Variants in ARSB observed in about 807,000 individuals in gnomAD.
ARSB encodes arylsulfatase B.
ARSB carries 41 observed loss-of-function variants against 50.9 expected under a neutral mutation model. The observed-to-expected ratio is 0.81, with a 90% CI of 0.63 to 1.04. The LOEUF (loss-of-function observed/expected upper bound fraction) is 1.04, where lower values mean the gene tolerates loss of function less well. Ranked by LOEUF, ARSB falls within the 50% of genes least tolerant of loss-of-function variation. ARSB has a pLI of 0.00. For missense variants in ARSB, 672 were observed against 693.3 expected, an observed-to-expected ratio of 0.97 and a Z score of 0.35; for synonymous variants, 269 against 284.8, an observed-to-expected ratio of 0.94 and a Z score of 0.56.
intron 6 of ARSB, among the ~76,000 whole-genome samples, chr5:78,837,431 G>T (rs951507338): frequency 5.3e-5 from 8 of 152,132 alleles, no homozygotes; most frequent in Admixed American, 2.0e-4. Context: ...AAAAGTTTAG[G>T]AGTCATTGAT....
chr5:78,983,431 CCCTT>C (rs1753007343), intron 1 of ARSB, among the ~76,000 whole-genome samples: 2 of 152,176 alleles, frequency 1.3e-5, no homozygotes, highest in African/African-American at 4.8e-5. Flanking sequence ...AAATGAATGG[CCCTT>C]CCATTCTTTT....
chr5:78,953,614 A>G (rs1580119097), intron 4 of ARSB, among the ~76,000 whole-genome samples: 1 of 152,218 alleles, frequency 6.6e-6, no homozygotes, highest in African/African-American at 2.4e-5. Context: ...ATTCCTCAAC[A>G]TGTCACCTCA....
At chr5:78,965,901 G>A (rs143941104) in intron 2 of ARSB, among the ~76,000 whole-genome samples, 1 of 152,070 alleles carries the variant, frequency 6.6e-6, no homozygotes, top group African/African-American at 2.4e-5. Context: ...CTTTTATATG[G>A]CAATCTTTTC....
At chr5:78,978,847 A>G (rs542446884) in intron 1 of ARSB, among the ~76,000 whole-genome samples, 19 of 152,338 alleles carry the variant, frequency 1.2e-4, no homozygotes, top group African/African-American at 4.6e-4. Flanking sequence ...TGGATCAAAG[A>G]CCTAAATGTA....
At chr5:78,857,550 G>GA (rs1236180556) in intron 5 of ARSB, among the ~76,000 whole-genome samples, 1 of 152,260 alleles carries the variant, frequency 6.6e-6, no homozygotes, top group East Asian at 1.9e-4. Flanking sequence ...GGTTTTACGT[G>GA]AATCAAGGTA....
intron 4 of ARSB, among the ~76,000 whole-genome samples, chr5:78,919,966 C>A (rs984833970): frequency 6.6e-6 from 1 of 152,132 alleles, no homozygotes; most frequent in African/African-American, 2.4e-5. Context: ...CTGGTTTGCA[C>A]AGAGCACTGG....
At chr5:78,811,848 T>C (rs1220110533) in intron 6 of ARSB, among the ~76,000 whole-genome samples, 1 of 152,134 alleles carries the variant, frequency 6.6e-6, no homozygotes, top group African/African-American at 2.4e-5. Flanking sequence ...AAACTCAGTA[T>C]AAAAAGCAGA....
Position 78,967,327 on chromosome 5 carries a change from A to C in ARSB, c.499+1679T>G, listed in dbSNP as rs78098649. Among the ~76,000 whole-genome samples, 990 of 152,278 alleles carry C rather than the reference A, an allele frequency of 6.5e-3. 13 individuals are homozygous for C. The highest frequency in any genetic ancestry group is 0.023 in the African/African-American group (947 of 41,546). On this transcript the variant is annotated intron_variant, in intron 2 of 7. Transcript: ENST00000264914. ...CATCTGGTTTCCATTTATCTTGTAA[A>C]TAATGTAACTCTTATAGTCTTTTCC...
intron 6 of ARSB, among the ~76,000 whole-genome samples, chr5:78,809,209 T>G (rs903221497): frequency 2.0e-5 from 3 of 152,180 alleles, no homozygotes; most frequent in Admixed American, 2.0e-4. Context: ...CCGAGGGGGT[T>G]GCAATCAGTA....
chr5:78,782,113 C>T (rs1255480005), intron 6 of ARSB, 139 bp from the exon 7 acceptor site: 1 of 1,090,468 alleles, frequency 9.2e-7, no homozygotes, highest in Non-Finnish European at 1.3e-6. Flanking sequence ...AGAAATGAAT[C>T]TTTTATTAAA....
chr5:78,824,112 G>C (rs1169368146), intron 6 of ARSB, among the ~76,000 whole-genome samples: 1 of 152,160 alleles, frequency 6.6e-6, no homozygotes, highest in East Asian at 1.9e-4. Flanking sequence ...GTGCATACCT[G>C]CTCTCCCTTT....
At position 78,885,658 on chromosome 5, in the gene ARSB, T is replaced by C; in HGVS notation, c.1068A>G (p.Thr356=). 1 of 1,613,994 alleles carries C rather than the reference T, an allele frequency of 6.2e-7. No individual in the cohort carries two copies. The highest frequency in any genetic ancestry group is 8.5e-7 in the Non-Finnish European group (1 of 1,180,008). The change falls in exon 5 of 8, where the codon ACA becomes ACG. Residue 356 remains threonine, a synonymous_variant. Transcript: ENST00000264914. Reference sequence around the variant, plus strand: ...TGTGTCCCCTGGCCAGCTTCACGAGTGTTGGCAGCCAGTCAGAGATGTGGA... The same window carrying C: ...TGTGTCCCCTGGCCAGCTTCACGAGCGTTGGCAGCCAGTCAGAGATGTGGA... ...ELIHISDWLP[T]LVKLARGHTN... is the part of the protein sequence containing the mutation.
chr5:78,835,153 T>C (rs1036271081), intron 6 of ARSB, among the ~76,000 whole-genome samples: 2 of 152,134 alleles, frequency 1.3e-5, no homozygotes, highest in African/African-American at 4.8e-5. Flanking sequence ...TCTATGAATG[T>C]GTACGTGTAT....
In ARSB at chr5:78,889,053, GC is replaced by G. The variant is rs763279436; in HGVS notation, c.899-3227del. 9.2e-5 allele frequency among the ~76,000 whole-genome samples: 14 copies of G among 152,328 alleles called. No homozygotes were observed. The East Asian group carries it at 2.3e-3, about 25-fold the overall frequency. On this transcript the variant is annotated intron_variant, in intron 4 of 7. Transcript: ENST00000264914. ...CTTGTACCCCCACAGATGGCACCTG[GC>G]CGATGGTTGCCACTTATCAGCAATG...
intron 5 of ARSB, among the ~76,000 whole-genome samples, chr5:78,845,321 T>C (rs1159176397): frequency 6.6e-6 from 1 of 152,188 alleles, no homozygotes; most frequent in East Asian, 1.9e-4. Context: ...GTATTGTGAA[T>C]AGTACTGCAA....
chr5:78,940,619 G>A (rs944769795), intron 4 of ARSB, among the ~76,000 whole-genome samples: 1 of 152,102 alleles, frequency 6.6e-6, no homozygotes, highest in Non-Finnish European at 1.5e-5. Flanking sequence ...ATTTCTGAGG[G>A]CTCTGTTCTG....
At position 78,857,503 on chromosome 5, in the gene ARSB, G is replaced by A. The variant is rs536870667; in HGVS notation, c.1143-18077C>T. 9.2e-5 allele frequency among the ~76,000 whole-genome samples: 14 copies of A among 152,250 alleles called. No homozygotes were observed. The South Asian group carries it at 2.5e-3, about 27-fold the overall frequency. On this transcript the variant is annotated intron_variant, in intron 5 of 7. Transcript: ENST00000264914. ...ATGACTGACGGTGTTAATGATAAACGGGTTTTCAATAATCACACAAGTTCA... is the reference window on the plus strand; with the variant it reads ...ATGACTGACGGTGTTAATGATAAACAGGTTTTCAATAATCACACAAGTTCA...
rs1561421030 is a variant in ARSB, at chr5:78,780,254, T to C, written c.*143A>G. Reference sequence around the variant, plus strand: ...ATCAGCTTCTTAAATGCATTAGGGGTTGAAATTAGACACCTCGGTGTGGTT... The same window carrying C: ...ATCAGCTTCTTAAATGCATTAGGGGCTGAAATTAGACACCTCGGTGTGGTT... On this transcript the variant is annotated 3_prime_UTR_variant, in exon 8 of 8. Transcript: ENST00000264914. The C allele has an allele frequency of 3.7e-6, 4 of 1,094,696 alleles. No homozygotes were observed. Among genetic ancestry groups the C allele is most frequent in the Non-Finnish European group, 5.4e-6 (4 of 735,110 alleles). The allele number at this position is 1,094,696 out of a possible 1,614,324, so 67.8% of individuals were successfully genotyped here. A position where few individuals can be genotyped will look rare whatever the true frequency, so the allele number is the denominator to read the frequency against.
intron 4 of ARSB, among the ~76,000 whole-genome samples, chr5:78,887,089 T>C (rs1404849373): frequency 6.6e-6 from 1 of 152,212 alleles, no homozygotes; most frequent in Non-Finnish European, 1.5e-5. Flanking sequence ...TAACAATCAC[T>C]AATTGATTTA....
Sources: gnomAD v4.1 joint callset for allele counts (sites outside exome capture counted in the v4.1 genomes callset) on GRCh38, gnomAD v4.1.1 for gene constraint, MANE v1.5 for transcripts, NCBI Gene and HGNC (gene_info 2026-07-23, HGNC 2026-07-21) for gene names.